The following GART variants were observed in gnomAD, a reference collection of about 807,000 sequenced individuals.
GART encodes phosphoribosylglycinamide formyltransferase, phosphoribosylglycinamide synthetase, phosphoribosylaminoimidazole synthetase, also known as trifunctional purine biosynthetic protein adenosine-3.
GART carries 43 observed loss-of-function variants against 107.2 expected under a neutral mutation model. The ratio of observed to expected loss-of-function variants is 0.40; its 90% CI spans 0.31 to 0.52. The LOEUF is 0.52. Ranked by LOEUF, GART falls within the 20% of genes least tolerant of loss-of-function variation. GART has a pLI of 0.52. For missense variants in GART, 1,107 were observed against 1,206.5 expected (o/e 0.92, Z 1.22); for synonymous variants, 434 against 427.0 (o/e 1.02, Z -0.20).
At chr21:33,535,179 T>C (rs558009719) in intron 3 of GART, 46 bp downstream of exon 3, 2 of 1,189,214 alleles carry the variant, frequency 1.7e-6, no homozygotes, top group African/African-American at 3.2e-5. Flanking sequence ...CCTAAGCTTC[T>C]GTTTGCACTG....
chr21:33,526,990 G>A (rs559469104), intron 10 of GART, among the ~76,000 whole-genome samples: 102 of 152,234 alleles, frequency 6.7e-4, no homozygotes, highest in South Asian at 1.9e-3. Context: ...TGGCTACTCT[G>A]CCTGCCAGTA....
chr21:33,517,009 T>C lies in GART; in HGVS notation c.2087A>G (p.Glu696Gly). 6.2e-7 allele frequency: 1 copy of C among 1,604,286 alleles called. No individual in the cohort carries two copies. Among genetic ancestry groups the C allele is most frequent in the Non-Finnish European group, 8.5e-7 (1 of 1,177,580 alleles). The change falls in exon 16 of 22, where the codon GAG becomes GGG. Residue 696 changes from glutamate to glycine, a missense_variant. Coordinates refer to ENST00000381815, the MANE Select transcript of GART (RefSeq NM_000819.5). ...CTTACCTAAATCTACCCCAAGTTTC[T>C]CAGGGAGGACTCTGGGGATGTTCTC... ...LLENIPRVLP[E>G]KLGVDLDAQT... is the part of the protein sequence containing the mutation.
chr21:33,530,733 A>C, intron 7 of GART, 26 bp downstream of exon 7: 1 of 1,395,456 alleles, frequency 7.2e-7, no homozygotes. Context: ...CTACTACAAG[A>C]CTTCAGCAGA....
chr21:33,534,613 T>G lies in GART; in HGVS notation c.382A>C (p.Thr128Pro). 6.2e-7 allele frequency: 1 copy of G among 1,614,232 alleles called. No homozygotes were observed. The highest frequency in any genetic ancestry group is 8.5e-7 in the Non-Finnish European group (1 of 1,180,044). Reference sequence around the variant, plus strand: ...AAGCTGCAGGCTTCTTCAGGTTTGGTGAAAGCCTTCCATTGTGCGGTTGGG... The same window carrying G: ...AAGCTGCAGGCTTCTTCAGGTTTGGGGAAAGCCTTCCATTGTGCGGTTGGG... The part of the protein sequence containing the change: ...GIPTAQWKAF[T>P]KPEEACSFIL... The change falls in exon 4 of 22, where the codon ACC (threonine) becomes CCC (proline). Residue 128 changes from threonine to proline, a missense_variant. Thr to Pro is a conservative substitution (Grantham distance 38). Transcript: ENST00000381815.
chr21:33,535,642 A>G (rs2085290549), intron 2 of GART, among the ~76,000 whole-genome samples: 1 of 152,194 alleles, frequency 6.6e-6, no homozygotes, highest in South Asian at 2.1e-4. Context: ...AAAAAACGTA[A>G]GATATACTCA....
chr21:33,523,133 AT>A (rs2085002579), intron 11 of GART, among the ~76,000 whole-genome samples: 1 of 152,230 alleles, frequency 6.6e-6, no homozygotes, highest in East Asian at 1.9e-4. Context: ...GACACTGCAG[AT>A]TTTGTAGTCT....
rs1373691570 is a variant in GART at position 33,517,573 on chromosome 21, G to C, written c.1738C>G (p.Pro580Ala). 4 of 1,614,190 alleles carry C rather than the reference G, an allele frequency of 2.5e-6. No homozygotes were observed. Among genetic ancestry groups the C allele is most frequent in the Non-Finnish European group, 3.4e-6 (4 of 1,180,022 alleles). ...ETAEMPDMYP[P>A]GEYDLAGFAV... ...AACCCAGCTAGGTCATACTCTCCAGGGGGATACATGTCAGGCATTTCTGCT... is the reference window on the plus strand; with the variant it reads ...AACCCAGCTAGGTCATACTCTCCAGCGGGATACATGTCAGGCATTTCTGCT... The change falls in exon 15 of 22, where the codon CCT (proline) becomes GCT (alanine). Residue 580 changes from proline (P) to alanine (A), a missense_variant. Transcript: ENST00000381815.
chr21:33,517,555 C>T lies in GART; in HGVS notation c.1756G>A (p.Ala586Thr), dbSNP rs2084901152. 6.2e-7 allele frequency: 1 copy of T among 1,614,122 alleles called. No homozygotes were observed. The highest frequency in any genetic ancestry group is 1.3e-5 in the African/African-American group (1 of 74,942). ...TCCATGGCACCAACGGCAAACCCAG[C>T]TAGGTCATACTCTCCAGGGGGATAC... ...DMYPPGEYDL[A>T]GFAVGAMERD... Residue 586 changes from alanine (A) to threonine (T), a missense_variant, in exon 15 of 22, where the codon GCT becomes ACT. Physicochemically the swap from Ala to Thr is moderately conservative, Grantham distance 58. Transcript: ENST00000381815.
chr21:33,521,039 T>C, intron 12 of GART, 24 bp from the exon 13 acceptor site: 3 of 1,544,168 alleles, frequency 1.9e-6, no homozygotes, highest in Non-Finnish European at 2.7e-6. Context: ...AATTAATTAC[T>C]TGCTACATTT....
chr21:33,519,009 C>A, intron 14 of GART: 1 of 274,792 alleles, frequency 3.6e-6, no homozygotes, highest in South Asian at 3.8e-5. Context: ...ATTGTTTACC[C>A]TTAACTTCTT....
Position 33,520,355 on chromosome 21 carries a change from T to C in GART, c.1702+9A>G. 1 of 1,612,898 alleles carries C rather than the reference T, an allele frequency of 6.2e-7. No homozygotes were observed. The highest frequency in any genetic ancestry group is 8.5e-7 in the Non-Finnish European group (1 of 1,178,960). On this transcript the variant is annotated intron_variant, in intron 14 of 21. Transcript: ENST00000381815. ...ATGACATGTTATTGATTAAAATGGC[T>C]GATCATACCAAGGAGAGCACATCCA...
intron 18 of GART, among the ~76,000 whole-genome samples, chr21:33,508,143 AT>A (rs1262344793): frequency 6.6e-6 from 1 of 152,070 alleles, no homozygotes; most frequent in Non-Finnish European, 1.5e-5. Context: ...GGTTTAGGAT[AT>A]GTAATTGCTC....
Position 33,535,220 on chromosome 21 carries a change from T to G in GART, c.241+5A>C. 1.9e-6 allele frequency: 3 copies of G among 1,563,632 alleles called. No homozygotes were observed. Among genetic ancestry groups the G allele is most frequent in the Non-Finnish European group, 2.6e-6 (3 of 1,158,556 alleles). ...ACTGTAACAATAAACAGAAACAAAC[T>G]TTACCAGCAGCCAGAGGTGCTTCTG... On this transcript the variant is annotated splice_donor_5th_base_variant and intron_variant, in intron 3 of 21. Coordinates refer to ENST00000381815, the MANE Select transcript of GART (RefSeq NM_000819.5).
In GART at chr21:33,540,971, A is replaced by G. The variant is rs557221318; in HGVS notation, c.-42+1094T>C. 5.9e-5 allele frequency among the ~76,000 whole-genome samples: 9 copies of G among 152,172 alleles called. No homozygotes were observed. The East Asian group carries it at 1.7e-3, about 29-fold the overall frequency. Reference sequence around the variant, plus strand: ...GGTAAGAGGGGGTGGAGCCTAACAGAAGCAATTTTGCTTCAGATTCTCTCA... The same window carrying G: ...GGTAAGAGGGGGTGGAGCCTAACAGGAGCAATTTTGCTTCAGATTCTCTCA... On this transcript the variant is annotated intron_variant, in intron 1 of 21. Transcript: ENST00000381815.
intron 7 of GART, chr21:33,529,587 G>C (rs1036526616): frequency 6.6e-6 from 1 of 152,194 alleles, no homozygotes; most frequent in Admixed American, 6.6e-5. Context: ...CAAGTAGCTG[G>C]GACTGGGACT....
chr21:33,536,066 C>G (rs2085299475), intron 2 of GART, among the ~76,000 whole-genome samples: 1 of 151,944 alleles, frequency 6.6e-6, no homozygotes, highest in Admixed American at 6.6e-5. Flanking sequence ...CAAGCAGGGT[C>G]CCTATACTTA....
chr21:33,532,294 AT>A (rs2085206900), intron 5 of GART, 50 bp downstream of exon 5: 2 of 1,244,286 alleles, frequency 1.6e-6, no homozygotes, highest in Admixed American at 1.8e-5. Context: ...TTAAAACGGT[AT>A]TTATTCAGTA....
At chr21:33,520,069 T>A (rs1234577079) in intron 14 of GART, among the ~76,000 whole-genome samples, 2 of 152,070 alleles carry the variant, frequency 1.3e-5, no homozygotes, top group African/African-American at 4.8e-5. Flanking sequence ...AGGAGGCTAC[T>A]GAGACTGATG....
Position 33,534,645 on chromosome 21 carries a change from T to C in GART, c.350A>G (p.His117Arg), listed in dbSNP as rs368971215. The C allele has an allele frequency of 3.4e-5, 55 of 1,614,238 alleles. No homozygotes were observed. In the African/African-American group the frequency reaches 4.1e-4, roughly 12 times the overall value. The change falls in exon 4 of 22, where the codon CAT (histidine) becomes CGT (arginine). Residue 117 changes from histidine to arginine, a missense_variant. Transcript: ENST00000381815. ...CTTCCATTGTGCGGTTGGGATTCCA[T>C]GTCTGTCCATAAACTCTTTGGCAAA... ...KRFAKEFMDR[H>R]GIPTAQWKAF...
Sources: allele counts gnomAD v4.1 joint callset (sites outside exome capture counted in the v4.1 genomes callset), GRCh38; gene constraint gnomAD v4.1.1; transcripts MANE v1.5; gene names NCBI Gene and HGNC (gene_info 2026-07-23, HGNC 2026-07-21).